The following ZNF512B variants were observed in gnomAD, a reference collection of about 807,000 sequenced individuals.
ZNF512B encodes the protein zinc finger protein 512B.
A neutral mutation model predicts 87.8 loss-of-function variants in ZNF512B; 22 were observed. The observed-to-expected ratio is 0.25, with a 90% CI of 0.18 to 0.36. The LOEUF is 0.36. ZNF512B is among the 10% of genes least tolerant of loss of function. The pLI is 1.00. For missense variants in ZNF512B, 1,060 were observed against 1,231.6 expected, an observed-to-expected ratio of 0.86 and a Z score of 2.09; for synonymous variants, 524 against 490.9, an observed-to-expected ratio of 1.07 and a Z score of -0.89.
At chr20:63,963,581 A>C (rs2058881817) in intron 10 of ZNF512B, 37 bp downstream of exon 10, 1 of 1,610,192 alleles carries the variant, frequency 6.2e-7, no homozygotes, top group African/African-American at 1.3e-5. Context: ...GCGAGGTCAG[A>C]GGTCACGCTG....
chr20:63,961,593 G>A lies in ZNF512B; in HGVS notation c.2329-186C>T, dbSNP rs1283071001. Among the ~76,000 whole-genome samples, 1 of 152,206 alleles carries A rather than the reference G, an allele frequency of 6.6e-6. No individual in the cohort carries two copies. Among genetic ancestry groups the A allele is most frequent in the Non-Finnish European group, 1.5e-5 (1 of 68,030 alleles). ...GGGGTGGTAGGGGAGAGGAAGGGTA[G>A]GGAGAGGCAGGTGCCCAGGGGAAGA... On this transcript the variant is annotated intron_variant, in intron 15 of 16. Coordinates refer to ENST00000369888, the MANE Select transcript of ZNF512B (RefSeq NM_020713.3). The surrounding 1 kb of genome is among the most constrained non-coding windows in gnomAD (Gnocchi z 6.4).
Position 63,966,970 on chromosome 20 carries a change from T to G in ZNF512B, c.299A>C (p.Lys100Thr), listed in dbSNP as rs746764743. Residue 100 changes from lysine to threonine, a missense_variant, in exon 4 of 17, where the codon AAG becomes ACG. Physicochemically the swap from Lys to Thr is moderately conservative, Grantham distance 78. This residue lies in a region of ZNF512B where 134 missense variants were observed against 153.6 expected (regional missense o/e 0.87). Coordinates refer to ENST00000369888, the MANE Select transcript of ZNF512B (RefSeq NM_020713.3). ...TGGACACTTCACCCTCGAGTGTGCC[T>G]TGAACTCATCCTTCCAGTCGTTCAT... ...SLMNDWKDEF[K>T]AHSRVKCPNS... 18 of 1,613,704 alleles carry G rather than the reference T, an allele frequency of 1.1e-5. No individual in the cohort carries two copies. The highest frequency in any genetic ancestry group is 1.4e-5 in the Non-Finnish European group (17 of 1,180,014).
chr20:63,963,973 G>T lies in ZNF512B; in HGVS notation c.1481-60C>A. On this transcript the variant is annotated intron_variant, in intron 8 of 16. Transcript: ENST00000369888. ...GGGCTGCTGGGTGGCCCAGACGCCA[G>T]GCACAGAATCCAGTCTCCACACTCA... 6 of 1,599,652 alleles carry T rather than the reference G, an allele frequency of 3.8e-6. No homozygotes were observed. The African/African-American group carries it at 6.7e-5, about 18-fold the overall frequency.
rs374621472 is a variant in ZNF512B, at chr20:63,963,843, C to T, written c.1551G>A (p.Val517=). ...GCCCCACGAGAGTCTTCCGGGTGAC[C>T]ACGTTGCAGGTGGGGCAGACGGCTT... The part of the protein sequence containing the change: ...RGEAVCPTCN[V]VTRKTLVGLK... Residue 517 remains valine (V), a synonymous_variant, in exon 9 of 17, where the codon GTG becomes GTA. Coordinates refer to ENST00000369888, the MANE Select transcript of ZNF512B (RefSeq NM_020713.3). The T allele has an allele frequency of 6.2e-6, 10 of 1,612,744 alleles. No homozygotes were observed. The highest frequency in any genetic ancestry group is 3.3e-5 in the Admixed American group (2 of 60,012).
chr20:63,964,637 T>C lies in ZNF512B; in HGVS notation c.1114A>G (p.Met372Val), dbSNP rs817326. 0.2 allele frequency: 330,380 copies of C among 1,612,580 alleles called. 36,487 individuals carry two copies. The highest frequency in any genetic ancestry group is 0.23 in the Non-Finnish European group (267,412 of 1,179,902). The change falls in exon 6 of 17, where the codon ATG (methionine) becomes GTG (valine). Residue 372 changes from methionine (M) to valine (V), a missense_variant. Physicochemically the swap from Met to Val is conservative, Grantham distance 21 (BLOSUM62 1). Around this residue, in one of 9 missense-constraint regions of ZNF512B, gnomAD observed 212 missense variants for 207.6 expected, o/e 1.02. Transcript: ENST00000369888. ...PENGEYGPSS[M>V]GQSSAFQLSA... ...AGCTGGAAGGCCGAGCTCTGGCCCA[T>C]GGAGGAGGGGCCGTACTCCCCATTC... is the stretch of plus-strand genomic sequence containing the variant.
In ZNF512B at chr20:63,964,663, T is replaced by A. The variant is rs749898180; in HGVS notation, c.1088A>T (p.Glu363Val). ...CPIPPKQARP[E>V]NGEYGPSSMG... ...GGAGGAGGGGCCGTACTCCCCATTC[T>A]CTGGCCTGGCCTGCTTGGGTGGAAT... The change falls in exon 6 of 17, where the codon GAG becomes GTG. Residue 363 changes from glutamate to valine, a missense_variant. This residue lies in a region of ZNF512B where 212 missense variants were observed against 207.6 expected (regional missense o/e 1.02). Coordinates refer to ENST00000369888, the MANE Select transcript of ZNF512B (RefSeq NM_020713.3). The A allele has an allele frequency of 6.2e-7, 1 of 1,612,336 alleles. No homozygotes were observed. The highest frequency in any genetic ancestry group is 1.3e-5 in the African/African-American group (1 of 75,002).
In ZNF512B at chr20:63,961,257, G is replaced by T; in HGVS notation, c.2427+52C>A. The T allele has an allele frequency of 6.3e-7, 1 of 1,579,734 alleles. No homozygotes were observed. Among genetic ancestry groups the T allele is most frequent in the Non-Finnish European group, 8.7e-7 (1 of 1,155,624 alleles). The stretch of plus-strand genomic sequence containing the variant: ...CCAAGGGGTGCCCAACCCCAGCCCT[G>T]TCCCCTCCTGGGCTAGCCCCCAGCC... On this transcript the variant is annotated intron_variant, in intron 16 of 16. Transcript: ENST00000369888. This position sits in a 1 kb window ranked among gnomAD's most constrained non-coding sequence, Gnocchi z 6.4.
At chr20:63,969,264 T>G (rs900351668) in intron 1 of ZNF512B, 8 of 882,588 alleles carry the variant, frequency 9.1e-6, no homozygotes, top group Non-Finnish European at 1.1e-5. Flanking sequence ...TTCAGAATAG[T>G]GGGGCCTGAG....
rs370572151 is a variant in ZNF512B, at chr20:63,957,094, G to C, written c.*2794C>G. On this transcript the variant is annotated 3_prime_UTR_variant, in exon 17 of 17. Coordinates refer to ENST00000369888, the MANE Select transcript of ZNF512B (RefSeq NM_020713.3). ...CCCGCCAAACGCGGCACACGGGGAC[G>C]GCCCCTCCCGGGGTCAGGCTCACTG... 1 of 152,478 alleles carries C rather than the reference G, an allele frequency of 6.6e-6. No homozygotes were observed. Among genetic ancestry groups the C allele is most frequent in the African/African-American group, 2.4e-5 (1 of 41,470 alleles). 9.4% of individuals were successfully genotyped at this position (152,478 alleles called of 1,614,324 possible).
At position 63,960,764 on chromosome 20, in the gene ZNF512B, G is replaced by A. The variant is rs563832847; in HGVS notation, c.2427+545C>T. 1.7e-3 allele frequency among the ~76,000 whole-genome samples: 243 copies of A among 142,014 alleles called. 1 individual carries two copies. Among genetic ancestry groups the A allele is most frequent in the African/African-American group, 6.2e-3 (234 of 37,574 alleles). 93.2% of individuals were successfully genotyped at this position (142,014 alleles called of 152,430 possible). The stretch of plus-strand genomic sequence containing the variant: ...CGGGACCAGGCAAGCACCTGCAGCA[G>A]GGCTGGACACAGCCTTCAGGACCAG... On this transcript the variant is annotated intron_variant, in intron 16 of 16. Coordinates refer to ENST00000369888, the MANE Select transcript of ZNF512B (RefSeq NM_020713.3).
At position 63,967,866 on chromosome 20, in the gene ZNF512B, C is replaced by T. The variant is rs1180729800; in HGVS notation, c.85G>A (p.Val29Ile). ...GGGTCATGCAGCATTGGAAGTCGGA[C>T]CTCCTTTCGGCTGCCATCCTTCCCG... ...GPGKDGSRKE[V>I]RLPMLHDPPK... Residue 29 changes from valine to isoleucine, a missense_variant, in exon 2 of 17, where the codon GTC becomes ATC. Physicochemically the swap from Val to Ile is conservative, Grantham distance 29. Transcript: ENST00000369888. 1.2e-6 allele frequency: 2 copies of T among 1,613,382 alleles called. No homozygotes were observed. Among genetic ancestry groups the T allele is most frequent in the African/African-American group, 1.3e-5 (1 of 74,932 alleles).
rs2058726817 is a variant in ZNF512B, at chr20:63,956,914, C to T, written c.*2974G>A. 1 of 152,538 alleles carries T rather than the reference C, an allele frequency of 6.6e-6. No individual in the cohort carries two copies. Among genetic ancestry groups the T allele is most frequent in the Non-Finnish European group, 1.5e-5 (1 of 68,048 alleles). The allele number at this position is 152,538 out of a possible 1,614,324, so 9.4% of individuals were successfully genotyped here. ...ATATATATGTATATATATATGGTTA[C>T]AAGTGATAGCTGGAACCTCTTTCAA... is the stretch of plus-strand genomic sequence containing the variant. On this transcript the variant is annotated 3_prime_UTR_variant, in exon 17 of 17. Coordinates refer to ENST00000369888, the MANE Select transcript of ZNF512B (RefSeq NM_020713.3).
rs568907493 is a variant in ZNF512B at position 63,967,753 on chromosome 20, G to A, written c.121+77C>T. On this transcript the variant is annotated intron_variant, in intron 2 of 16. Transcript: ENST00000369888. ...CTAGCTGGGTACCTGGAGACAGGAC[G>A]CCCAGGGCAATGGTCCACTCCTACC... is the stretch of plus-strand genomic sequence containing the variant. 26 of 1,563,084 alleles carry A rather than the reference G, an allele frequency of 1.7e-5. No individual in the cohort carries two copies. The African/African-American group carries it at 2.2e-4, about 13-fold the overall frequency.
rs758055063 is a variant in ZNF512B, at chr20:63,962,572, G to C, written c.2163+15C>G. On this transcript the variant is annotated intron_variant, in intron 13 of 16. Transcript: ENST00000369888. Reference sequence around the variant, plus strand: ...GGCCACGGCGCTGTCCACAGCCCTGGGGGGGGCAGCTCACCCGTGCGGTCT... The same window carrying C: ...GGCCACGGCGCTGTCCACAGCCCTGCGGGGGGCAGCTCACCCGTGCGGTCT... 13 of 1,599,892 alleles carry C rather than the reference G, an allele frequency of 8.1e-6. No individual in the cohort carries two copies. The highest frequency in any genetic ancestry group is 1.7e-5 in the Admixed American group (1 of 59,162).
intron 5 of ZNF512B, 76 bp downstream of exon 5, chr20:63,966,063 GTT>G: frequency 1.6e-6 from 1 of 615,770 alleles, no homozygotes. Context: ...TCTTACCACT[GTT>G]CCTCCCTGAC....
At position 63,959,661 on chromosome 20, in the gene ZNF512B, TCTG is replaced by T. The variant is rs1229216992; in HGVS notation, c.*224_*226del. The T allele has an allele frequency of 5.1e-6, 3 of 588,790 alleles. No homozygotes were observed. The highest frequency in any genetic ancestry group is 3.0e-5 in the East Asian group (1 of 32,950). The allele number at this position is 588,790 out of a possible 1,614,324, so 36.5% of individuals were successfully genotyped here. On this transcript the variant is annotated 3_prime_UTR_variant, in exon 17 of 17. Coordinates refer to ENST00000369888, the MANE Select transcript of ZNF512B (RefSeq NM_020713.3). The stretch of plus-strand genomic sequence containing the variant: ...GGGCAACCCTCCTGGCTATTGCACT[TCTG>T]CTGGGCACACCTTGGGGAGCCCCAA...
At position 63,960,021 on chromosome 20, in the gene ZNF512B, T is replaced by A. The variant is rs761834947; in HGVS notation, c.2546A>T (p.Lys849Met). The A allele has an allele frequency of 3.1e-6, 5 of 1,613,758 alleles. No homozygotes were observed. In the Admixed American group the frequency reaches 8.3e-5, roughly 27 times the overall value. The change falls in exon 17 of 17, where the codon AAG becomes ATG. Residue 849 changes from lysine to methionine, a missense_variant. Transcript: ENST00000369888. The stretch of plus-strand genomic sequence containing the variant: ...CACAGGCTCCTCTGGGGTCCGCTCC[T>A]TGGGCTTTCGGCCCCGCTTCTTTCC... ...AGGKKRGRKP[K>M]ERTPEEPVAK...
rs1460095898 is a variant in ZNF512B at position 63,957,219 on chromosome 20, G to C, written c.*2669C>G. On this transcript the variant is annotated 3_prime_UTR_variant, in exon 17 of 17. Transcript: ENST00000369888. ...AGCAAATAAAGTGCATCCCATTTTC[G>C]TGTGAGCGTCGGCCCGGTGAGTCAG... The C allele has an allele frequency of 1.3e-5, 2 of 152,620 alleles. No individual in the cohort carries two copies. The highest frequency in any genetic ancestry group is 1.5e-5 in the Non-Finnish European group (1 of 68,048). 9.5% of individuals were successfully genotyped at this position (152,620 alleles called of 1,614,324 possible). A position where few individuals can be genotyped will look rare whatever the true frequency, so the allele number is the denominator to read the frequency against.
rs373651197 is a variant in ZNF512B, at chr20:63,961,277, C to T, written c.2427+32G>A. 3.1e-5 allele frequency: 49 copies of T among 1,606,356 alleles called. No homozygotes were observed. The highest frequency in any genetic ancestry group is 3.2e-5 in the Non-Finnish European group (38 of 1,176,740). ...GCCCTGTCCCCTCCTGGGCTAGCCC[C>T]CAGCCACAGGCCCTGGTGATGGCCC... On this transcript the variant is annotated intron_variant, in intron 16 of 16. Coordinates refer to ENST00000369888, the MANE Select transcript of ZNF512B (RefSeq NM_020713.3). The surrounding 1 kb of genome is among the most constrained non-coding windows in gnomAD (Gnocchi z 6.4).
Sources: allele counts gnomAD v4.1 joint callset (sites outside exome capture counted in the v4.1 genomes callset), GRCh38; gene constraint gnomAD v4.1.1; regional missense constraint gnomAD v4.1.1; non-coding constraint Gnocchi (gnomAD v3.1); transcripts MANE v1.5; gene names NCBI Gene and HGNC (gene_info 2026-07-23, HGNC 2026-07-21).